SH3D19: variants seen among roughly 807,000 people sequenced by gnomAD.
SH3D19 encodes the protein SH3 domain containing 19, also known as SH3 domain-containing protein 19.
A neutral mutation model predicts 112.1 loss-of-function variants in SH3D19; 58 were observed. That is an observed-to-expected ratio of 0.52 (90% CI 0.42 to 0.64). The LOEUF (loss-of-function observed/expected upper bound fraction) is 0.64, where lower values mean the gene tolerates loss of function less well. Ranked by LOEUF, SH3D19 falls within the 30% of genes least tolerant of loss-of-function variation. The probability of loss-of-function intolerance (pLI) is 0.00; values close to 1 mark genes in which losing one functional copy is unlikely to be tolerated. For missense variants in SH3D19, 1,090 were observed against 1,263.4 expected (o/e 0.86, Z 2.08); for synonymous variants, 391 against 448.5 (o/e 0.87, Z 1.62).
Position 151,187,403 on chromosome 4 carries a change from G to C in SH3D19, c.193+20C>G, listed in dbSNP as rs1047707117. The C allele has an allele frequency of 3.3e-6, 4 of 1,203,694 alleles. No individual in the cohort carries two copies. Among genetic ancestry groups the C allele is most frequent in the Admixed American group, 4.2e-5 (1 of 23,664 alleles). 74.6% of individuals were successfully genotyped at this position (1,203,694 alleles called of 1,614,324 possible). Reference sequence around the variant, plus strand: ...AAATTATTACAGAGGAAAATACAGAGAAGGAAAAAACAAACTTACATCTCT... The same window carrying C: ...AAATTATTACAGAGGAAAATACAGACAAGGAAAAAACAAACTTACATCTCT... On this transcript the variant is annotated intron_variant, in intron 3 of 19. Transcript: ENST00000604030.
intron 2 of SH3D19, among the ~76,000 whole-genome samples, chr4:151,189,187 C>T (rs1762247180): frequency 6.7e-6 from 1 of 149,108 alleles, no homozygotes; most frequent in South Asian, 2.1e-4. Context: ...GATCTCGGCT[C>T]ACTGCCAGCT....
intron 1 of SH3D19, among the ~76,000 whole-genome samples, chr4:151,240,412 T>TA (rs879935522): frequency 1.1e-3 from 161 of 141,602 alleles, no homozygotes; most frequent in African/African-American, 1.9e-3. Flanking sequence ...ACATGTCTCT[T>TA]AAAAAAAAAA....
intron 1 of SH3D19, among the ~76,000 whole-genome samples, chr4:151,294,196 A>C (rs1775547169): frequency 6.6e-6 from 1 of 152,226 alleles, no homozygotes; most frequent in Non-Finnish European, 1.5e-5. Flanking sequence ...TGTTGAAAAA[A>C]ATCAATGAGT....
intron 1 of SH3D19, among the ~76,000 whole-genome samples, chr4:151,293,832 G>C (rs1323418557): frequency 6.6e-6 from 1 of 152,134 alleles, no homozygotes; most frequent in East Asian, 1.9e-4. Flanking sequence ...TCACTTTCCA[G>C]CCTATTCTCT....
intron 1 of SH3D19, chr4:151,279,078 G>T: frequency 4.9e-6 from 2 of 412,242 alleles, no homozygotes; most frequent in South Asian, 3.9e-5. Context: ...ACTGACCAGG[G>T]AACATCCACA....
At chr4:151,173,540 T>A (rs1171999947) in intron 7 of SH3D19, among the ~76,000 whole-genome samples, 1 of 152,174 alleles carries the variant, frequency 6.6e-6, no homozygotes, top group Non-Finnish European at 1.5e-5. Context: ...ATAATGTATG[T>A]CTCAGTATTT....
At chr4:151,308,318 C>T (rs17690590) in intron 1 of SH3D19, among the ~76,000 whole-genome samples, 47,219 of 152,158 alleles carry the variant, frequency 0.31, 7,715 homozygotes, top group East Asian at 0.47. Context: ...AGCCTCTTCC[C>T]TCAGGAATCT....
intron 11 of SH3D19, chr4:151,144,298 A>G: frequency 6.2e-7 from 1 of 1,612,594 alleles, no homozygotes; most frequent in Non-Finnish European, 8.5e-7. Flanking sequence ...GCTTAAACGT[A>G]AACCAATAAA....
chr4:151,223,546 T>C (rs1041508748), intron 2 of SH3D19, among the ~76,000 whole-genome samples: 3 of 152,172 alleles, frequency 2.0e-5, no homozygotes, highest in African/African-American at 2.4e-5. Flanking sequence ...ATTCCTCCAG[T>C]GGCCAGCATT....
chr4:151,139,498 C>A (rs1252452885), intron 13 of SH3D19, among the ~76,000 whole-genome samples: 1 of 152,146 alleles, frequency 6.6e-6, no homozygotes, highest in Admixed American at 6.5e-5. Context: ...GACTGGTAGG[C>A]AATTTGCAAT....
At chr4:151,159,607 C>A (rs550198726) in intron 8 of SH3D19, among the ~76,000 whole-genome samples, 4 of 152,260 alleles carry the variant, frequency 2.6e-5, no homozygotes, top group Non-Finnish European at 5.9e-5. Flanking sequence ...TTGTTGAGAA[C>A]CTTTTATGTG....
chr4:151,178,283 GA>G (rs1760270072), intron 4 of SH3D19, among the ~76,000 whole-genome samples: 1 of 152,136 alleles, frequency 6.6e-6, no homozygotes, highest in African/African-American at 2.4e-5. Flanking sequence ...GTTTTGATTG[GA>G]AAACTCAGTT....
rs1253234258 is a variant in SH3D19, at chr4:151,133,245, A to G, written c.2487-9T>C. On this transcript the variant is annotated splice_polypyrimidine_tract_variant and intron_variant, in intron 15 of 19. Transcript: ENST00000604030. ...CAACACATCTTGAGCCTCTGAATGAAGAACACATTTTGTGGATTAGACTAG... is the reference window on the plus strand; with the variant it reads ...CAACACATCTTGAGCCTCTGAATGAGGAACACATTTTGTGGATTAGACTAG... The G allele has an allele frequency of 6.2e-7, 1 of 1,613,560 alleles. No homozygotes were observed. The highest frequency in any genetic ancestry group is 1.1e-5 in the South Asian group (1 of 91,018).
At chr4:151,278,534 A>G (rs1773875288) in intron 1 of SH3D19, among the ~76,000 whole-genome samples, 1 of 152,056 alleles carries the variant, frequency 6.6e-6, no homozygotes, top group Admixed American at 6.5e-5. Flanking sequence ...TGTCTCCAAC[A>G]TTCCTTTTTC....
chr4:151,143,356 G>A (rs566981493), intron 12 of SH3D19, among the ~76,000 whole-genome samples: 1 of 152,166 alleles, frequency 6.6e-6, no homozygotes, highest in East Asian at 1.9e-4. Context: ...TATGACAGAT[G>A]GATAATGCCG....
At chr4:151,228,248 G>A (rs769841492) in intron 1 of SH3D19, among the ~76,000 whole-genome samples, 4 of 152,052 alleles carry the variant, frequency 2.6e-5, no homozygotes, top group African/African-American at 4.8e-5. Flanking sequence ...TGTAAATATA[G>A]ATACGCAGTA....
In SH3D19 at chr4:151,255,096, C is replaced by G. The variant is rs571268294; in HGVS notation, c.113-29010G>C. Among the ~76,000 whole-genome samples, 2 of 150,354 alleles carry G rather than the reference C, an allele frequency of 1.3e-5. 1 individual carries two copies. The highest frequency in any genetic ancestry group is 3.0e-5 in the Non-Finnish European group (2 of 67,480). ...GGGGGGCTGACCCCCACCTCCCTCC[C>G]GGATGGGGCGGCTGGCCTGGCGGGG... On this transcript the variant is annotated intron_variant, in intron 1 of 19. Coordinates refer to ENST00000604030, the MANE Select transcript of SH3D19 (RefSeq NM_001378122.1).
chr4:151,193,724 A>C (rs1462408985), intron 2 of SH3D19, among the ~76,000 whole-genome samples: 1 of 152,180 alleles, frequency 6.6e-6, no homozygotes, highest in Non-Finnish European at 1.5e-5. Flanking sequence ...TCAACCCAGC[A>C]CCTAAGAAAT....
At chr4:151,307,535 A>T (rs1291234713) in intron 1 of SH3D19, among the ~76,000 whole-genome samples, 1 of 152,238 alleles carries the variant, frequency 6.6e-6, no homozygotes. Flanking sequence ...TAGACCCGTC[A>T]GGCAGGTGTG....
Sources: gnomAD v4.1 joint callset for allele counts (sites outside exome capture counted in the v4.1 genomes callset) on GRCh38, gnomAD v4.1.1 for gene constraint, MANE v1.5 for transcripts, NCBI Gene and HGNC (gene_info 2026-07-23, HGNC 2026-07-21) for gene names.